The following PHLPP2 variants were observed in gnomAD, a reference collection of about 807,000 sequenced individuals.
PHLPP2 encodes the protein PH domain and leucine rich repeat protein phosphatase 2.
Under a neutral mutation model 124.9 loss-of-function variants are expected in PHLPP2, and 66 were observed. That is an observed-to-expected ratio of 0.53 (90% confidence interval 0.43 to 0.65). The LOEUF is 0.65. Among genes scored for constraint, PHLPP2 ranks in the 30% least tolerant of loss-of-function variants. The pLI is 0.00. For synonymous variants in PHLPP2, 681 were observed against 624.7 expected (o/e 1.09, Z -1.34); for missense variants, 1,685 against 1,600.4 (o/e 1.05, Z -0.90).
At chr16:71,702,093 G>C (rs1358124162) in intron 3 of PHLPP2, among the ~76,000 whole-genome samples, 4 of 152,098 alleles carry the variant, frequency 2.6e-5, no homozygotes, top group African/African-American at 9.7e-5. Context: ...AACTATTATA[G>C]TGATAGATGG....
intron 6 of PHLPP2, 88 bp from the exon 7 acceptor site, chr16:71,679,623 A>G: frequency 1.9e-6 from 2 of 1,059,354 alleles, no homozygotes; most frequent in Non-Finnish European, 2.8e-6. Context: ...TTTGATATCT[A>G]TTTTAAATGT....
At chr16:71,700,386 C>A (rs996498698) in intron 3 of PHLPP2, among the ~76,000 whole-genome samples, 3 of 151,232 alleles carry the variant, frequency 2.0e-5, no homozygotes, top group African/African-American at 7.3e-5. Flanking sequence ...GCCTAGGCAA[C>A]TGGGTGATAC....
At chr16:71,698,824 C>T (rs1377039249) in intron 3 of PHLPP2, 1 of 229,188 alleles carries the variant, frequency 4.4e-6, no homozygotes, top group Non-Finnish European at 8.8e-6. Flanking sequence ...ATTCCACTCA[C>T]TTTTCCCCCA....
chr16:71,661,657 G>C (rs78296049), intron 13 of PHLPP2, among the ~76,000 whole-genome samples: 22,624 of 151,852 alleles, frequency 0.15, 1,675 homozygotes, highest in African/African-American at 0.17. Flanking sequence ...AAATGTAAAA[G>C]TAAAAAGTCA....
At chr16:71,688,913 G>C (rs910751625) in intron 4 of PHLPP2, among the ~76,000 whole-genome samples, 8 of 152,122 alleles carry the variant, frequency 5.3e-5, no homozygotes, top group African/African-American at 2.4e-5. Context: ...CATGTAACTG[G>C]ATTCTCCCAC....
intron 17 of PHLPP2, among the ~76,000 whole-genome samples, chr16:71,654,088 G>A (rs1017432308): frequency 1.3e-5 from 2 of 151,758 alleles, no homozygotes; most frequent in African/African-American, 4.8e-5. Context: ...CCAGCTACTC[G>A]GGAGGCTGAG....
chr16:71,691,937 C>T (rs1368505134), intron 3 of PHLPP2, among the ~76,000 whole-genome samples: 3 of 147,764 alleles, frequency 2.0e-5, no homozygotes, highest in Non-Finnish European at 4.5e-5. Context: ...GTCTTAAAAA[C>T]AAAAAAAAAC....
intron 8 of PHLPP2, chr16:71,677,124 T>A: frequency 6.1e-6 from 1 of 163,706 alleles, no homozygotes; most frequent in Non-Finnish European, 1.4e-5. Context: ...AATTAGTTGA[T>A]GAATAACTCA....
At position 71,649,953 on chromosome 16, in the gene PHLPP2, G is replaced by A; in HGVS notation, c.2909C>T (p.Ser970Phe). The part of the protein sequence containing the change: ...PWILPKPHIS[S>F]TPLTIQDELL... Reference sequence around the variant, plus strand: ...CTCATCTTGAATGGTCAGCGGAGTGGAAGATATGTGGGGCTTGGGGAGGAT... The same window carrying A: ...CTCATCTTGAATGGTCAGCGGAGTGAAAGATATGTGGGGCTTGGGGAGGAT... The change falls in exon 19 of 19, where the codon TCC becomes TTC. Residue 970 changes from serine (S) to phenylalanine (F), a missense_variant. Ser to Phe is a radical substitution (Grantham distance 155). Coordinates refer to ENST00000568954, the MANE Select transcript of PHLPP2 (RefSeq NM_015020.3). 1 of 1,614,100 alleles carries A rather than the reference G, an allele frequency of 6.2e-7. No homozygotes were observed.
intron 8 of PHLPP2, 40 bp downstream of exon 8, chr16:71,678,715 G>T: frequency 9.9e-7 from 1 of 1,005,064 alleles, no homozygotes; most frequent in South Asian, 1.3e-5. Context: ...AGGTCCACCA[G>T]AGTCAATTTA....
chr16:71,695,062 G>A lies in PHLPP2; in HGVS notation c.419-4353C>T, dbSNP rs375095064. 2.8e-4 allele frequency among the ~76,000 whole-genome samples: 43 copies of A among 152,180 alleles called. 2 individuals carry two copies. In the South Asian group the frequency reaches 7.7e-3, roughly 27 times the overall value. The stretch of plus-strand genomic sequence containing the variant: ...GGCATCCCAAAGTGCTGGGATTACA[G>A]GCATGAGCCACCGTGCCCAGCCAAG... On this transcript the variant is annotated intron_variant, in intron 3 of 18. Transcript: ENST00000568954.
Position 71,647,679 on chromosome 16 carries a change from C to G in PHLPP2, c.*1211G>C, listed in dbSNP as rs2052585. On this transcript the variant is annotated 3_prime_UTR_variant, in exon 19 of 19. Transcript: ENST00000568954. ...AATTCCTCCACATGCTAGGGAAAGA[C>G]GCCAATCCCTAAATTTCCCTGGGAA... 0.85 allele frequency: 129,494 copies of G among 152,238 alleles called. 55,239 individuals are homozygous for G. Among genetic ancestry groups the G allele is most frequent in the East Asian group, 0.99 (5,119 of 5,168 alleles). The allele number at this position is 152,238 out of a possible 1,614,324, so 9.4% of individuals were successfully genotyped here.
chr16:71,678,500 C>T, intron 8 of PHLPP2: 1 of 395,178 alleles, frequency 2.5e-6, no homozygotes, highest in Non-Finnish European at 4.6e-6. Context: ...ATTAGCCAGG[C>T]CTCGTGGTGC....
At chr16:71,693,346 C>T (rs1289416001) in intron 3 of PHLPP2, among the ~76,000 whole-genome samples, 2 of 152,124 alleles carry the variant, frequency 1.3e-5, no homozygotes, top group African/African-American at 2.4e-5. Context: ...TGTACAGCAG[C>T]AGCTCCTTCT....
intron 3 of PHLPP2, chr16:71,698,612 T>G (rs1195026078): frequency 1.6e-6 from 1 of 610,336 alleles, no homozygotes; most frequent in East Asian, 3.5e-5. Context: ...AGAAACAGGC[T>G]GAGTACGCTA....
chr16:71,653,482 C>A (rs1056327210), intron 17 of PHLPP2, among the ~76,000 whole-genome samples: 1 of 152,062 alleles, frequency 6.6e-6, no homozygotes, highest in African/African-American at 2.4e-5. Flanking sequence ...CTTTGAGAAC[C>A]ACTCACTTAG....
intron 17 of PHLPP2, 123 bp downstream of exon 17, chr16:71,655,117 G>A (rs1244880167): frequency 1.4e-6 from 1 of 693,608 alleles, no homozygotes; most frequent in Admixed American, 2.4e-5. Flanking sequence ...GATCATAGAA[G>A]ACAACAACGT....
chr16:71,710,492 C>T (rs755216645), intron 2 of PHLPP2, among the ~76,000 whole-genome samples: 2 of 152,192 alleles, frequency 1.3e-5, no homozygotes, highest in Non-Finnish European at 2.9e-5. Context: ...TGTGACAATA[C>T]ATGGGCAATG....
chr16:71,669,195 C>A (rs1455670130), intron 11 of PHLPP2, 80 bp downstream of exon 11: 11 of 979,990 alleles, frequency 1.1e-5, no homozygotes, highest in Non-Finnish European at 1.7e-5. Context: ...TAAAAGGCAA[C>A]CCAAATCTAG....
Sources: gnomAD v4.1 joint callset for allele counts (sites outside exome capture counted in the v4.1 genomes callset) on GRCh38, gnomAD v4.1.1 for gene constraint, MANE v1.5 for transcripts, NCBI Gene and HGNC (gene_info 2026-07-23, HGNC 2026-07-21) for gene names.